Variants in DKK2 observed in about 807,000 individuals in gnomAD.
DKK2 encodes dickkopf-related protein 2.
A neutral mutation model predicts 28.1 loss-of-function variants in DKK2; 11 were observed. The ratio of observed to expected loss-of-function variants is 0.39; its 90% CI spans 0.25 to 0.65. The LOEUF is 0.65. DKK2 is among the 30% of genes least tolerant of loss of function. DKK2 has a pLI of 0.47. For synonymous variants in DKK2, 135 were observed against 126.5 expected (o/e 1.07, Z -0.45); for missense variants, 326 against 335.5 (o/e 0.97, Z 0.22).
At chr4:107,005,340 C>CAAAAA (rs35333301) in intron 1 of DKK2, among the ~76,000 whole-genome samples, 24 of 72,428 alleles carry the variant, frequency 3.3e-4, no homozygotes, top group Non-Finnish European at 4.6e-4. Context: ...GACTTGGTCT[C>CAAAAA]AAAAAAAAAA....
At chr4:107,015,184 T>C (rs773818156) in intron 1 of DKK2, among the ~76,000 whole-genome samples, 13 of 151,582 alleles carry the variant, frequency 8.6e-5, no homozygotes, top group Admixed American at 7.9e-4. Context: ...CCATGAACCA[T>C]AATGTTAAAG....
chr4:106,929,262 AT>A (rs1383063116), intron 1 of DKK2, among the ~76,000 whole-genome samples: 1 of 152,170 alleles, frequency 6.6e-6, no homozygotes, highest in African/African-American at 2.4e-5. Flanking sequence ...TTAATAGTGC[AT>A]TCTCATGGCT....
In DKK2 at chr4:107,035,535, C is replaced by T. The variant is rs750173104; in HGVS notation, c.57G>A (p.Ala19=). Reference sequence around the variant, plus strand: ...TCTGTGAGCTCTCCACCATCAGCACCGCGGCCAGTAGGAGCAGGCAGCAGG... The same window carrying T: ...TCTGTGAGCTCTCCACCATCAGCACTGCGGCCAGTAGGAGCAGGCAGCAGG... ...DSSCCLLLLA[A]VLMVESSQIG... The change falls in exon 1 of 4, where the codon GCG becomes GCA. Residue 19 remains alanine, a synonymous_variant. Coordinates refer to ENST00000285311, the MANE Select transcript of DKK2 (RefSeq NM_014421.3). 8 of 1,614,086 alleles carry T rather than the reference C, an allele frequency of 5.0e-6. No individual in the cohort carries two copies. Among genetic ancestry groups the T allele is most frequent in the Admixed American group, 3.3e-5 (2 of 60,006 alleles).
intron 1 of DKK2, among the ~76,000 whole-genome samples, chr4:106,985,228 A>T (rs1036447982): frequency 7.9e-5 from 12 of 151,232 alleles, no homozygotes; most frequent in African/African-American, 2.2e-4. Context: ...AAAAAAAAAA[A>T]GATTATAGGC....
chr4:107,035,272 A>G, intron 1 of DKK2, 98 bp downstream of exon 1: 1 of 1,393,482 alleles, frequency 7.2e-7, no homozygotes, highest in Non-Finnish European at 9.9e-7. Flanking sequence ...ATCTGGGGCC[A>G]CGCTCCGAAT....
At chr4:107,021,892 A>C (rs1345456485) in intron 1 of DKK2, among the ~76,000 whole-genome samples, 1 of 152,070 alleles carries the variant, frequency 6.6e-6, no homozygotes, top group Non-Finnish European at 1.5e-5. Flanking sequence ...TTGTACCTAC[A>C]AGTCAGCCTG....
At chr4:106,960,618 TTA>T (rs1722672822) in intron 1 of DKK2, among the ~76,000 whole-genome samples, 1 of 152,168 alleles carries the variant, frequency 6.6e-6, no homozygotes. Context: ...CAACAATAAT[TTA>T]TGTCTCACTA....
intron 1 of DKK2, among the ~76,000 whole-genome samples, chr4:106,938,334 CA>C (rs1724633536): frequency 6.6e-6 from 1 of 152,164 alleles, no homozygotes; most frequent in Admixed American, 6.5e-5. Context: ...GAGAATACTA[CA>C]AACACCTCTG....
chr4:106,984,377 CTTCTAT>C (rs916845372), intron 1 of DKK2, among the ~76,000 whole-genome samples: 1 of 152,132 alleles, frequency 6.6e-6, no homozygotes, highest in Non-Finnish European at 1.5e-5. Flanking sequence ...CCCCTGGTGA[CTTCTAT>C]TTTCTGTCTC....
chr4:106,938,487 A>G (rs1324588585), intron 1 of DKK2, among the ~76,000 whole-genome samples: 1 of 152,220 alleles, frequency 6.6e-6, no homozygotes, highest in African/African-American at 2.4e-5. Flanking sequence ...ATAGCTTACC[A>G]ACTAAAAAGA....
intron 1 of DKK2, among the ~76,000 whole-genome samples, chr4:106,991,082 G>GA (rs35256344): frequency 6.6e-6 from 1 of 151,798 alleles, no homozygotes; most frequent in East Asian, 1.9e-4. Context: ...TAAAACTTTT[G>GA]AAAAAAGAGT....
At chr4:106,936,145 G>C (rs1212564383) in intron 1 of DKK2, among the ~76,000 whole-genome samples, 2 of 152,148 alleles carry the variant, frequency 1.3e-5, no homozygotes, top group Non-Finnish European at 2.9e-5. Flanking sequence ...AGAGAAGAAG[G>C]CTTCAGACGA....
intron 1 of DKK2, among the ~76,000 whole-genome samples, chr4:106,990,158 T>A (rs1723182888): frequency 6.6e-6 from 1 of 152,232 alleles, no homozygotes; most frequent in Non-Finnish European, 1.5e-5. Flanking sequence ...ATTTTGTTTT[T>A]AAATTTTAAC....
chr4:106,943,223 G>A (rs1159058410), intron 1 of DKK2, among the ~76,000 whole-genome samples: 2 of 151,960 alleles, frequency 1.3e-5, no homozygotes, highest in African/African-American at 4.8e-5. Context: ...ATGCTTCTTT[G>A]CACCATGATG....
intron 1 of DKK2, among the ~76,000 whole-genome samples, chr4:106,945,805 C>T (rs905978071): frequency 9.2e-5 from 14 of 152,066 alleles, no homozygotes; most frequent in African/African-American, 2.4e-4. Context: ...GAAAATAACA[C>T]AAAAATTGTC....
In DKK2 at chr4:107,003,639, C is replaced by A. The variant is rs1184453835; in HGVS notation, c.222+31731G>T. ...GATGGTAGTTGTGCCCCATTGGCTC[C>A]TCAGCCAAGCATATACACCAGATGT... On this transcript the variant is annotated intron_variant, in intron 1 of 3. Transcript: ENST00000285311. Among the ~76,000 whole-genome samples, 5 of 152,232 alleles carry A rather than the reference C, an allele frequency of 3.3e-5. No homozygotes were observed. In the East Asian group the frequency reaches 9.6e-4, roughly 29 times the overall value.
chr4:107,020,959 T>C (rs1311323871), intron 1 of DKK2, among the ~76,000 whole-genome samples: 2 of 152,072 alleles, frequency 1.3e-5, no homozygotes, highest in Non-Finnish European at 2.9e-5. Context: ...ACACCATGAT[T>C]CTTTTGGAAA....
At chr4:106,943,706 T>TC (rs1724735313) in intron 1 of DKK2, among the ~76,000 whole-genome samples, 1 of 152,146 alleles carries the variant, frequency 6.6e-6, no homozygotes, top group African/African-American at 2.4e-5. Flanking sequence ...GCATTACATT[T>TC]CTACAGATGA....
At chr4:106,938,458 G>A (rs1304278065) in intron 1 of DKK2, among the ~76,000 whole-genome samples, 2 of 152,156 alleles carry the variant, frequency 1.3e-5, no homozygotes, top group Non-Finnish European at 2.9e-5. Flanking sequence ...AACAGGATCT[G>A]AAATTGTGGC....
Sources: gnomAD v4.1 joint callset for allele counts (sites outside exome capture counted in the v4.1 genomes callset) on GRCh38, gnomAD v4.1.1 for gene constraint, MANE v1.5 for transcripts, NCBI Gene and HGNC (gene_info 2026-07-23, HGNC 2026-07-21) for gene names.